Variants in ARHGEF26 observed in about 807,000 individuals in gnomAD.
ARHGEF26 encodes the protein Rho guanine nucleotide exchange factor 26.
A neutral mutation model predicts 89.4 loss-of-function variants in ARHGEF26; 59 were observed. The ratio of observed to expected loss-of-function variants is 0.66; its 90% CI spans 0.54 to 0.82. The LOEUF (loss-of-function observed/expected upper bound fraction) is 0.82, where lower values mean the gene tolerates loss of function less well. Among genes scored for constraint, ARHGEF26 ranks in the 40% least tolerant of loss-of-function variants. ARHGEF26 has a pLI of 0.00. For missense variants in ARHGEF26, 1,234 were observed against 1,085.6 expected (o/e 1.14, Z -1.92); for synonymous variants, 500 against 428.4 (o/e 1.17, Z -2.06).
rs1481277411 is a variant in ARHGEF26, at chr3:154,254,712, G to A, written c.2369-8G>A. ...CTGGAAACTTAGTATGTCCTCTTTT[G>A]GCCTCAGCACTGACCCAGGTGGAAA... On this transcript the variant is annotated splice_polypyrimidine_tract_variant and splice_region_variant and intron_variant, in intron 13 of 14. Transcript: ENST00000465093. The A allele has an allele frequency of 5.6e-6, 9 of 1,611,098 alleles. No homozygotes were observed. The highest frequency in any genetic ancestry group is 7.6e-6 in the Non-Finnish European group (9 of 1,178,114).
chr3:154,241,117 C>T (rs1479806797), intron 12 of ARHGEF26, among the ~76,000 whole-genome samples: 1 of 152,180 alleles, frequency 6.6e-6, no homozygotes, highest in Non-Finnish European at 1.5e-5. Context: ...TTGGTGCCTG[C>T]AGTTTCGCCA....
intron 7 of ARHGEF26, among the ~76,000 whole-genome samples, chr3:154,190,435 G>A (rs536499094): frequency 6.6e-5 from 10 of 152,180 alleles, no homozygotes; most frequent in Non-Finnish European, 1.5e-4. Context: ...TTGAACCTGG[G>A]AGGCAGAGGC....
chr3:154,168,332 T>A (rs1712183918), intron 6 of ARHGEF26, among the ~76,000 whole-genome samples: 2 of 152,050 alleles, frequency 1.3e-5, no homozygotes, highest in South Asian at 4.1e-4. Flanking sequence ...ATCCCAGCAC[T>A]TTGGAAGGTG....
At chr3:154,201,615 C>T (rs1200376956) in intron 9 of ARHGEF26, among the ~76,000 whole-genome samples, 1 of 151,614 alleles carries the variant, frequency 6.6e-6, no homozygotes, top group African/African-American at 2.4e-5. Context: ...TTTACAGTCC[C>T]ACCAACAGTG....
In ARHGEF26 at chr3:154,255,660, A is replaced by C. The variant is rs1354142489; in HGVS notation, c.*187A>C. ...GAGCTTGGATACAGTGAGTTTGCAC[A>C]GCTCAGTTTTTACCTAACCACACAC... On this transcript the variant is annotated 3_prime_UTR_variant, in exon 15 of 15. Coordinates refer to ENST00000465093, the MANE Select transcript of ARHGEF26 (RefSeq NM_015595.4). The C allele has an allele frequency of 7.1e-7, 1 of 1,406,436 alleles. No homozygotes were observed. Among genetic ancestry groups the C allele is most frequent in the African/African-American group, 1.4e-5 (1 of 69,048 alleles). 87.1% of individuals were successfully genotyped at this position (1,406,436 alleles called of 1,614,324 possible).
At chr3:154,247,869 G>A (rs980141347) in intron 12 of ARHGEF26, among the ~76,000 whole-genome samples, 3 of 152,194 alleles carry the variant, frequency 2.0e-5, no homozygotes, top group African/African-American at 4.8e-5. Flanking sequence ...ACAATACTCT[G>A]TGAAAAATAC....
At chr3:154,217,838 TTTAACCCTCG>T in intron 9 of ARHGEF26, 21 bp from the exon 10 acceptor site, 1 of 1,548,996 alleles carries the variant, frequency 6.5e-7, no homozygotes, top group Non-Finnish European at 8.8e-7. Context: ...CTCCTTGACC[TTTAACCCTCG>T]TTACTCTTCT....
chr3:154,123,049 A>T lies in ARHGEF26; in HGVS notation c.1057A>T (p.Lys353Ter), dbSNP rs1238092646. ...VLKVVMEDKE[K>*]FSSLGRIKKK... ...GAAAGTGGTGATGGAAGACAAGGAG[A>T]AGTTTTCCAGTCTGGGAAGGATAAA... Residue 353 changes from lysine to a stop codon, truncating the protein, a stop_gained, in exon 2 of 15, where the codon AAG (lysine) becomes TAG (stop). Coordinates refer to ENST00000465093, the MANE Select transcript of ARHGEF26 (RefSeq NM_015595.4). LOFTEE classifies it high-confidence loss of function. 2 of 1,613,748 alleles carry T rather than the reference A, an allele frequency of 1.2e-6. No homozygotes were observed. The highest frequency in any genetic ancestry group is 1.7e-5 in the Admixed American group (1 of 59,984).
intron 6 of ARHGEF26, among the ~76,000 whole-genome samples, chr3:154,175,126 T>C (rs936290634): frequency 9.8e-5 from 15 of 152,302 alleles, no homozygotes; most frequent in African/African-American, 3.6e-4. Flanking sequence ...AGTTCAGATT[T>C]TGAAAGTCTA....
chr3:154,210,867 C>T lies in ARHGEF26; in HGVS notation c.1846-7002C>T, dbSNP rs534819814. Among the ~76,000 whole-genome samples the T allele has an allele frequency of 7.9e-5, 12 of 151,330 alleles. No individual in the cohort carries two copies. In the East Asian group the frequency reaches 1.4e-3, roughly 18 times the overall value. On this transcript the variant is annotated intron_variant, in intron 9 of 14. Coordinates refer to ENST00000465093, the MANE Select transcript of ARHGEF26 (RefSeq NM_015595.4). ...CTGAGGCAGGAGAATTACTTGAACC[C>T]GGGAGGTGGAGGTTGCAGTGAGCCA...
chr3:154,213,800 A>G (rs1715553830), intron 9 of ARHGEF26, among the ~76,000 whole-genome samples: 1 of 152,164 alleles, frequency 6.6e-6, no homozygotes. Context: ...AACTATGAAT[A>G]AATTGTTTCT....
chr3:154,174,157 G>A (rs567085346), intron 6 of ARHGEF26, among the ~76,000 whole-genome samples: 15 of 152,316 alleles, frequency 9.8e-5, no homozygotes, highest in South Asian at 2.1e-4. Flanking sequence ...TGTGAGATGG[G>A]TCTGAGTAGT....
intron 9 of ARHGEF26, among the ~76,000 whole-genome samples, chr3:154,212,826 G>A (rs1241988642): frequency 1.3e-5 from 2 of 152,054 alleles, no homozygotes; most frequent in Admixed American, 1.3e-4. Flanking sequence ...ACCTCCTGCC[G>A]TGCGCTGGAT....
exon 1 of ARHGEF26, chr3:154,121,386 GGGCGGGCCGGCGCC>G (rs1016869229): frequency 1.3e-5 from 2 of 152,284 alleles, no homozygotes; most frequent in Non-Finnish European, 2.9e-5. Context: ...TCAGGCGTGG[GGGCGGGCCGGCGCC>G]GGCGCCGCGG....
intron 9 of ARHGEF26, among the ~76,000 whole-genome samples, chr3:154,215,650 A>G (rs1158322106): frequency 6.6e-6 from 1 of 152,110 alleles, no homozygotes; most frequent in Non-Finnish European, 1.5e-5. Flanking sequence ...TATAGGCAGA[A>G]CCAGTGTTTG....
intron 11 of ARHGEF26, among the ~76,000 whole-genome samples, chr3:154,239,412 C>T (rs930840512): frequency 6.6e-6 from 1 of 150,454 alleles, no homozygotes; most frequent in African/African-American, 2.5e-5. Flanking sequence ...GGAAACGATC[C>T]AGGGGTCTAT....
At position 154,121,929 on chromosome 3, in the gene ARHGEF26, C is replaced by G; in HGVS notation, c.-51-13C>G. On this transcript the variant is annotated splice_polypyrimidine_tract_variant and intron_variant, in intron 1 of 14. Coordinates refer to ENST00000465093, the MANE Select transcript of ARHGEF26 (RefSeq NM_015595.4). ...GTCCAGAGGCACAGTTTCCTAACTT[C>G]TTTCCTCTTTAGGCAAGACTAACTC... The G allele has an allele frequency of 6.6e-7, 1 of 1,515,702 alleles. No homozygotes were observed. The highest frequency in any genetic ancestry group is 8.8e-7 in the Non-Finnish European group (1 of 1,130,960). 93.9% of individuals were successfully genotyped at this position (1,515,702 alleles called of 1,614,324 possible).
intron 6 of ARHGEF26, among the ~76,000 whole-genome samples, chr3:154,173,670 G>T (rs1006658063): frequency 6.6e-6 from 1 of 152,172 alleles, no homozygotes; most frequent in Admixed American, 6.5e-5. Context: ...GTAGGGTACA[G>T]ATTGATACAT....
At chr3:154,124,737 A>G (rs1477888568) in intron 3 of ARHGEF26, among the ~76,000 whole-genome samples, 1 of 152,144 alleles carries the variant, frequency 6.6e-6, no homozygotes, top group Non-Finnish European at 1.5e-5. Context: ...CAGGAAGGGT[A>G]AGAGCAAGAT....
Sources: allele counts gnomAD v4.1 joint callset (sites outside exome capture counted in the v4.1 genomes callset), GRCh38; gene constraint gnomAD v4.1.1; transcripts MANE v1.5; gene names NCBI Gene and HGNC (gene_info 2026-07-23, HGNC 2026-07-21).